The following KCNT2 variants were observed in gnomAD, a reference collection of about 807,000 sequenced individuals.
KCNT2 encodes potassium channel subfamily T member 2.
In KCNT2, 67 loss-of-function variants were observed where a neutral mutation model predicts 153.8. The ratio of observed to expected loss-of-function variants is 0.44; its 90% CI spans 0.36 to 0.53. The LOEUF is 0.53. KCNT2 is among the 20% of genes least tolerant of loss of function. The pLI is 0.00. For missense variants in KCNT2, 975 were observed against 1,354.8 expected, an observed-to-expected ratio of 0.72 and a Z score of 4.40; for synonymous variants, 500 against 458.8, an observed-to-expected ratio of 1.09 and a Z score of -1.15.
At chr1:196,483,735 A>G (rs992415644) in intron 3 of KCNT2, among the ~76,000 whole-genome samples, 1 of 152,104 alleles carries the variant, frequency 6.6e-6, no homozygotes, top group African/African-American at 2.4e-5. Flanking sequence ...CACTCATCTC[A>G]GTGGAAACTT....
In KCNT2 at chr1:196,425,657, AG is replaced by A. The variant is rs1376063009; in HGVS notation, c.1121+194del. 6.6e-5 allele frequency among the ~76,000 whole-genome samples: 10 copies of A among 152,102 alleles called. No individual in the cohort carries two copies. In the South Asian group the frequency reaches 8.3e-4, roughly 13 times the overall value. ...TTGCCTTGAGATGAGGCTGAAAAAGAGGAGTAAACACACTGATTTTATGATA... is the reference window on the plus strand; with the variant it reads ...TTGCCTTGAGATGAGGCTGAAAAAGAGAGTAAACACACTGATTTTATGATA... On this transcript the variant is annotated intron_variant, in intron 11 of 27. Transcript: ENST00000294725.
intron 1 of KCNT2, among the ~76,000 whole-genome samples, chr1:196,528,575 G>A (rs781014421): frequency 2.4e-4 from 36 of 151,256 alleles, no homozygotes; most frequent in Non-Finnish European, 3.4e-4. Context: ...TCATGGGTTC[G>A]TACCCATTTA....
At chr1:196,455,339 A>T (rs1451814466) in intron 8 of KCNT2, among the ~76,000 whole-genome samples, 1 of 152,024 alleles carries the variant, frequency 6.6e-6, no homozygotes, top group East Asian at 1.9e-4. Context: ...CCTTTTGTAA[A>T]TAGGCAGTAC....
chr1:196,541,260 T>C lies in KCNT2; in HGVS notation c.96-48919A>G, dbSNP rs563501897. Among the ~76,000 whole-genome samples, 38 of 152,066 alleles carry C rather than the reference T, an allele frequency of 2.5e-4. 1 individual carries two copies. The South Asian group carries it at 7.3e-3, about 29-fold the overall frequency. On this transcript the variant is annotated intron_variant, in intron 1 of 27. Transcript: ENST00000294725. ...GTAAATATGTTTTAAATCAATATGT[T>C]GAATACATTTGAAAAAAACAGAAAT...
intron 5 of KCNT2, among the ~76,000 whole-genome samples, chr1:196,470,262 C>T (rs1677972839): frequency 6.6e-6 from 1 of 152,150 alleles, no homozygotes; most frequent in African/African-American, 2.4e-5. Flanking sequence ...TTGGCTCCAA[C>T]ATGGAGACTG....
At chr1:196,544,722 G>A (rs1343952796) in intron 1 of KCNT2, among the ~76,000 whole-genome samples, 1 of 152,042 alleles carries the variant, frequency 6.6e-6, no homozygotes, top group Non-Finnish European at 1.5e-5. Context: ...TCACTAAGCA[G>A]GCTTTTCATC....
chr1:196,493,274 T>C (rs2148736739), intron 1 of KCNT2, among the ~76,000 whole-genome samples: 1 of 151,040 alleles, frequency 6.6e-6, no homozygotes, highest in Non-Finnish European at 1.5e-5. Context: ...TTTTTCCTAA[T>C]ATGGTAACAT....
At chr1:196,489,154 C>T (rs537141640) in intron 3 of KCNT2, among the ~76,000 whole-genome samples, 101 of 152,042 alleles carry the variant, frequency 6.6e-4, no homozygotes, top group Admixed American at 6.4e-3. Context: ...TAAGCTACTT[C>T]AAGCAGTTCA....
chr1:196,246,034 T>C (rs560839477), intron 26 of KCNT2, among the ~76,000 whole-genome samples: 1 of 152,060 alleles, frequency 6.6e-6, no homozygotes, highest in Non-Finnish European at 1.5e-5. Flanking sequence ...ATAAGACTAC[T>C]TTAAGACATT....
intron 1 of KCNT2, among the ~76,000 whole-genome samples, chr1:196,536,375 T>A (rs1655572707): frequency 6.6e-6 from 1 of 152,176 alleles, no homozygotes; most frequent in African/African-American, 2.4e-5. Flanking sequence ...TTATCATAGG[T>A]GTCACTTTCT....
chr1:196,535,051 T>C (rs1655384400), intron 1 of KCNT2, among the ~76,000 whole-genome samples: 1 of 152,234 alleles, frequency 6.6e-6, no homozygotes, highest in Non-Finnish European at 1.5e-5. Flanking sequence ...TATTATTTAA[T>C]GTGAACAAAG....
At chr1:196,384,557 C>T (rs1404678825) in intron 13 of KCNT2, among the ~76,000 whole-genome samples, 1 of 151,744 alleles carries the variant, frequency 6.6e-6, no homozygotes, top group African/African-American at 2.4e-5. Context: ...ATTAGCTGGG[C>T]ATGGTGGTGC....
At chr1:196,336,246 C>G (rs1665020685) in intron 16 of KCNT2, among the ~76,000 whole-genome samples, 1 of 151,976 alleles carries the variant, frequency 6.6e-6, no homozygotes. Context: ...TATCACTCTT[C>G]AGTCCTTCAC....
At chr1:196,492,616 T>G (rs1679944488) in intron 1 of KCNT2, among the ~76,000 whole-genome samples, 1 of 152,152 alleles carries the variant, frequency 6.6e-6, no homozygotes, top group African/African-American at 2.4e-5. Flanking sequence ...ATTCAATTAT[T>G]TGTATTAATG....
chr1:196,247,799 G>A (rs187039209), intron 26 of KCNT2, among the ~76,000 whole-genome samples: 3 of 152,134 alleles, frequency 2.0e-5, no homozygotes, highest in Admixed American at 1.3e-4. Flanking sequence ...ATGGGTGGGG[G>A]CACAACCAAA....
intron 25 of KCNT2, among the ~76,000 whole-genome samples, chr1:196,264,342 T>C (rs1657315955): frequency 6.6e-6 from 1 of 152,194 alleles, no homozygotes; most frequent in African/African-American, 2.4e-5. Context: ...GGTGATGTAA[T>C]TCATAAATGG....
chr1:196,462,765 C>A (rs896258034), intron 8 of KCNT2, among the ~76,000 whole-genome samples: 2 of 151,608 alleles, frequency 1.3e-5, no homozygotes, highest in Non-Finnish European at 3.0e-5. Context: ...ACTAGGATAA[C>A]CCTAGGTTTT....
intron 14 of KCNT2, among the ~76,000 whole-genome samples, chr1:196,364,656 T>C (rs148403058): frequency 8.6e-4 from 131 of 152,264 alleles, no homozygotes; most frequent in Non-Finnish European, 1.6e-3. Context: ...ACAGGCATAA[T>C]GAAATCTTGA....
At chr1:196,484,895 C>G (rs1282464600) in intron 3 of KCNT2, among the ~76,000 whole-genome samples, 2 of 152,006 alleles carry the variant, frequency 1.3e-5, no homozygotes, top group Non-Finnish European at 2.9e-5. Flanking sequence ...ACGGCGATTC[C>G]TCAAGGAGCT....
Sources: gnomAD v4.1 joint callset for allele counts (sites outside exome capture counted in the v4.1 genomes callset) on GRCh38, gnomAD v4.1.1 for gene constraint, MANE v1.5 for transcripts, NCBI Gene and HGNC (gene_info 2026-07-23, HGNC 2026-07-21) for gene names.